The following TRPM2 variants were observed in gnomAD, a reference collection of about 807,000 sequenced individuals.
The protein encoded by TRPM2 is estrogen-responsive element-associated gene 1 protein.
TRPM2 carries 161 observed loss-of-function variants against 174.0 expected under a neutral mutation model. The observed-to-expected ratio is 0.93, with a 90% CI of 0.81 to 1.05. The LOEUF is 1.05. Ranked by LOEUF, TRPM2 falls within the 50% of genes least tolerant of loss-of-function variation. The pLI is 0.00. For synonymous variants in TRPM2, 954 were observed against 861.3 expected (o/e 1.11, Z -1.88); for missense variants, 2,057 against 2,038.0 (o/e 1.01, Z -0.18).
chr21:44,398,532 G>T (rs1309544774), intron 13 of TRPM2, among the ~76,000 whole-genome samples: 2 of 151,784 alleles, frequency 1.3e-5, no homozygotes, highest in Non-Finnish European at 2.9e-5. Context: ...AATTTGGTGG[G>T]TAGGGGGCCA....
intron 3 of TRPM2, among the ~76,000 whole-genome samples, chr21:44,365,818 C>T (rs1699992315): frequency 6.6e-6 from 1 of 152,246 alleles, no homozygotes; most frequent in Non-Finnish European, 1.5e-5. Flanking sequence ...CGGGAGCGTC[C>T]ACCATGCAGG....
chr21:44,430,675 C>T lies in TRPM2; in HGVS notation c.3974+3564C>T, dbSNP rs1464808632. Among the ~76,000 whole-genome samples, 2 of 7,926 alleles carry T rather than the reference C, an allele frequency of 2.5e-4. 1 individual carries two copies. The highest frequency in any genetic ancestry group is 5.4e-4 in the Non-Finnish European group (2 of 3,728). The allele number at this position is 7,926 out of a possible 152,430, so 5.2% of individuals were successfully genotyped here. ...CGATCTTCTGACCTCATGATCCACC[C>T]GCCTCGGCCTCCCAAAGTGCTGGGA... On this transcript the variant is annotated intron_variant, in intron 27 of 31. Transcript: ENST00000397928.
At position 44,399,506 on chromosome 21, in the gene TRPM2, C is replaced by T; in HGVS notation, c.2208+65C>T. ...GGTGCCTGCAGGGCGGACACAGCCTCCTGTTCGTGCAGTTGGCACGCACAC... is the reference window on the plus strand; with the variant it reads ...GGTGCCTGCAGGGCGGACACAGCCTTCTGTTCGTGCAGTTGGCACGCACAC... On this transcript the variant is annotated intron_variant, in intron 14 of 31. Transcript: ENST00000397928. This position sits in a 1 kb window ranked among gnomAD's most constrained non-coding sequence, Gnocchi z 4.6. 5 of 1,547,240 alleles carry T rather than the reference C, an allele frequency of 3.2e-6. No homozygotes were observed. The highest frequency in any genetic ancestry group is 4.4e-6 in the Non-Finnish European group (5 of 1,146,274).
At chr21:44,409,386 T>C (rs1003328860) in intron 19 of TRPM2, among the ~76,000 whole-genome samples, 12 of 152,220 alleles carry the variant, frequency 7.9e-5, no homozygotes, top group African/African-American at 2.7e-4. Context: ...TGAAAATCAG[T>C]GGACCATTAA....
At position 44,434,068 on chromosome 21, in the gene TRPM2, A is replaced by G. The variant is rs9653786; in HGVS notation, c.3975-1063A>G. 3.9e-3 allele frequency among the ~76,000 whole-genome samples: 484 copies of G among 125,118 alleles called. 2 individuals carry two copies. The highest frequency in any genetic ancestry group is 0.018 in the African/African-American group (442 of 24,682). The allele number at this position is 125,118 out of a possible 152,430, so 82.1% of individuals were successfully genotyped here. ...GGGCAGCCACGGTCAGCTGTCCTGGAGCAGCCACGCACTGCCGCGCAGACT... is the reference window on the plus strand; with the variant it reads ...GGGCAGCCACGGTCAGCTGTCCTGGGGCAGCCACGCACTGCCGCGCAGACT... On this transcript the variant is annotated intron_variant, in intron 27 of 31. Coordinates refer to ENST00000397928, the MANE Select transcript of TRPM2 (RefSeq NM_003307.4).
chr21:44,397,611 TG>T, intron 12 of TRPM2, 135 bp from the exon 13 acceptor site: 2 of 922,146 alleles, frequency 2.2e-6, no homozygotes, highest in Non-Finnish European at 1.5e-6. Context: ...TGTATAGATG[TG>T]GTCACACACA....
intron 17 of TRPM2, 144 bp from the exon 18 acceptor site, chr21:44,405,761 G>C (rs1375341205): frequency 2.0e-6 from 2 of 1,002,004 alleles, no homozygotes; most frequent in African/African-American, 3.2e-5. Context: ...TGCCAGCTTT[G>C]AACACCTGGG....
chr21:44,389,265 C>CT (rs1380407627), intron 9 of TRPM2, among the ~76,000 whole-genome samples: 1 of 152,140 alleles, frequency 6.6e-6, no homozygotes, highest in East Asian at 1.9e-4. Context: ...GAACTTTGTT[C>CT]TTTTTTGTCT....
At chr21:44,375,684 C>T (rs1482820017) in intron 5 of TRPM2, 149 bp from the exon 6 acceptor site, 1 of 823,160 alleles carries the variant, frequency 1.2e-6, no homozygotes, top group East Asian at 2.7e-5. Context: ...GTTTCGATCA[C>T]ATGTGCAAAG....
intron 22 of TRPM2, among the ~76,000 whole-genome samples, chr21:44,419,311 C>A (rs929343007): frequency 6.6e-6 from 1 of 152,112 alleles, no homozygotes; most frequent in Non-Finnish European, 1.5e-5. Context: ...GTGCCCTCCC[C>A]CTTAGAGACA....
intron 9 of TRPM2, among the ~76,000 whole-genome samples, chr21:44,386,716 A>ATT (rs199604807): frequency 0.043 from 6,241 of 146,508 alleles, 330 homozygotes; most frequent in African/African-American, 0.12. Flanking sequence ...AACCCCAGTG[A>ATT]TTTTTTTTTT....
chr21:44,412,242 T>C (rs1380212796), intron 19 of TRPM2, among the ~76,000 whole-genome samples: 1 of 152,218 alleles, frequency 6.6e-6, no homozygotes, highest in Non-Finnish European at 1.5e-5. Flanking sequence ...CTTTGTGTGA[T>C]GTTTTTAACT....
At position 44,423,736 on chromosome 21, in the gene TRPM2, G is replaced by T; in HGVS notation, c.3549+4G>T. On this transcript the variant is annotated splice_donor_region_variant and intron_variant, in intron 23 of 31. Coordinates refer to ENST00000397928, the MANE Select transcript of TRPM2 (RefSeq NM_003307.4). ...GTTGGCCTCCCTGGAGGAGCAGGTGGGTCCGAGGTCGGGGCCTCCGTCAGG... is the reference window on the plus strand; with the variant it reads ...GTTGGCCTCCCTGGAGGAGCAGGTGTGTCCGAGGTCGGGGCCTCCGTCAGG... 1 of 1,600,894 alleles carries T rather than the reference G, an allele frequency of 6.2e-7. No homozygotes were observed. Among genetic ancestry groups the T allele is most frequent in the Non-Finnish European group, 8.5e-7 (1 of 1,175,868 alleles).
intron 15 of TRPM2, among the ~76,000 whole-genome samples, chr21:44,401,086 C>G (rs775018611): frequency 3.9e-5 from 6 of 152,164 alleles, no homozygotes; most frequent in Non-Finnish European, 8.8e-5. Flanking sequence ...GAAACTGAGG[C>G]AGGGAGGAGC....
chr21:44,366,941 C>G lies in TRPM2; in HGVS notation c.604+7C>G. 6.4e-7 allele frequency: 1 copy of G among 1,571,226 alleles called. No individual in the cohort carries two copies. The highest frequency in any genetic ancestry group is 8.7e-7 in the Non-Finnish European group (1 of 1,154,386). Reference sequence around the variant, plus strand: ...AAGGTGGCTCAGACCACAGGTAACTCGGAGGCTGGAGGGACACGAGGCCCC... The same window carrying G: ...AAGGTGGCTCAGACCACAGGTAACTGGGAGGCTGGAGGGACACGAGGCCCC... On this transcript the variant is annotated splice_region_variant and intron_variant, in intron 4 of 31. Coordinates refer to ENST00000397928, the MANE Select transcript of TRPM2 (RefSeq NM_003307.4). The surrounding 1 kb of genome is among the most constrained non-coding windows in gnomAD (Gnocchi z 6.0).
intron 24 of TRPM2, 108 bp from the exon 25 acceptor site, chr21:44,425,562 A>G: frequency 7.7e-7 from 1 of 1,305,334 alleles, no homozygotes; most frequent in Non-Finnish European, 1.0e-6. Context: ...GGGGAGGTGG[A>G]GGAGCCCAGA....
In TRPM2 at chr21:44,370,902, G is replaced by T. The variant is rs778932861; in HGVS notation, c.771+1559G>T. On this transcript the variant is annotated intron_variant, in intron 5 of 31. Coordinates refer to ENST00000397928, the MANE Select transcript of TRPM2 (RefSeq NM_003307.4). ...TGACACCACTGTTGGTGGCGGAATG[G>T]GACTGTGGCTGCTTCCGCTCAGCCA... Among the ~76,000 whole-genome samples the T allele has an allele frequency of 2.6e-4, 39 of 152,264 alleles. 1 individual carries two copies. Among genetic ancestry groups the T allele is most frequent in the Non-Finnish European group, 4.4e-5 (3 of 68,016 alleles).
chr21:44,352,625 G>A (rs2122922367), upstream of TRPM2, among the ~76,000 whole-genome samples: 12 of 152,166 alleles, frequency 7.9e-5, no homozygotes, highest in Non-Finnish European at 1.8e-4. Flanking sequence ...CAGTGGCAGG[G>A]GATGACCATG....
In TRPM2 at chr21:44,438,744, C is replaced by T. The variant is rs567280176; in HGVS notation, c.4168-323C>T. Among the ~76,000 whole-genome samples, 613 of 152,222 alleles carry T rather than the reference C, an allele frequency of 4.0e-3. 3 individuals carry two copies. Among genetic ancestry groups the T allele is most frequent in the African/African-American group, 0.013 (557 of 41,554 alleles). ...CTGGGAGGGGCGACGCGGGGGCAGG[C>T]GCCAGGGGAGCGGGAAGGGGGTGCC... is the stretch of plus-strand genomic sequence containing the variant. On this transcript the variant is annotated intron_variant, in intron 29 of 31. Coordinates refer to ENST00000397928, the MANE Select transcript of TRPM2 (RefSeq NM_003307.4). This position sits in a 1 kb window ranked among gnomAD's most constrained non-coding sequence, Gnocchi z 5.9.
Sources: allele counts gnomAD v4.1 joint callset (sites outside exome capture counted in the v4.1 genomes callset), GRCh38; gene constraint gnomAD v4.1.1; non-coding constraint Gnocchi (gnomAD v3.1); transcripts MANE v1.5; gene names NCBI Gene and HGNC (gene_info 2026-07-23, HGNC 2026-07-21).